The following BMPR1A variants were observed in gnomAD, a reference collection of about 807,000 sequenced individuals.
BMPR1A encodes bone morphogenetic protein receptor type 1A.
A neutral mutation model predicts 66.0 loss-of-function variants in BMPR1A; 7 were observed. The ratio of observed to expected loss-of-function variants is 0.11; its 90% CI spans 0.06 to 0.20. The LOEUF is 0.20. Among genes scored for constraint, BMPR1A ranks in the 10% least tolerant of loss-of-function variants. BMPR1A has a pLI of 1.00. For missense variants in BMPR1A, 408 were observed against 669.1 expected (o/e 0.61, Z 4.31); for synonymous variants, 200 against 229.7 (o/e 0.87, Z 1.17).
At chr10:86,915,674 G>C (rs149795240) in intron 8 of BMPR1A, among the ~76,000 whole-genome samples, 22 of 152,140 alleles carry the variant, frequency 1.4e-4, no homozygotes, top group African/African-American at 4.6e-4. Flanking sequence ...GTTGCAGTGA[G>C]CTGAGATTGG....
chr10:86,929,280 A>G (rs548088970), downstream of BMPR1A: 2 of 152,166 alleles, frequency 1.3e-5, no homozygotes, highest in East Asian at 1.9e-4. Flanking sequence ...AAAGCTTTTC[A>G]TTTTCATTCC....
intron 1 of BMPR1A, among the ~76,000 whole-genome samples, chr10:86,793,097 C>CCA (rs1841654110): frequency 8.9e-6 from 1 of 112,160 alleles, no homozygotes; most frequent in Non-Finnish European, 1.8e-5. Context: ...GATCTATACC[C>CCA]CCCCCCACCC....
chr10:86,801,574 T>C (rs1375751579), intron 1 of BMPR1A, among the ~76,000 whole-genome samples: 1 of 152,156 alleles, frequency 6.6e-6, no homozygotes, highest in Non-Finnish European at 1.5e-5. Flanking sequence ...CAGTAAACAA[T>C]CTCTGGTAGA....
Position 86,927,344 on chromosome 10 carries a change from A to G in BMPR1A, c.*3625A>G, listed in dbSNP as rs1019500418. ...CATTTCAACAGCAGAAATGATTTTT[A>G]TTTTAACAAAAGATTATGATAGCCC... is the stretch of plus-strand genomic sequence containing the variant. On this transcript the variant is annotated 3_prime_UTR_variant, in exon 13 of 13. Transcript: ENST00000372037. 5.2e-6 allele frequency: 1 copy of G among 192,932 alleles called. No individual in the cohort carries two copies. The highest frequency in any genetic ancestry group is 1.1e-5 in the Non-Finnish European group (1 of 92,332). 12.0% of individuals were successfully genotyped at this position (192,932 alleles called of 1,614,324 possible).
At chr10:86,789,745 C>T (rs1246464410) in intron 1 of BMPR1A, among the ~76,000 whole-genome samples, 1 of 150,014 alleles carries the variant, frequency 6.7e-6, no homozygotes, top group Non-Finnish European at 1.5e-5. Flanking sequence ...ACGTAACTAA[C>T]TTAGAAAACC....
intron 9 of BMPR1A, among the ~76,000 whole-genome samples, chr10:86,918,892 C>T (rs11202259): frequency 1.3e-5 from 2 of 152,152 alleles, no homozygotes; most frequent in Non-Finnish European, 2.9e-5. Context: ...CAAAGTGATA[C>T]AGGTGTGAGC....
intron 3 of BMPR1A, among the ~76,000 whole-genome samples, chr10:86,884,260 A>T (rs969280525): frequency 1.3e-5 from 2 of 151,132 alleles, no homozygotes; most frequent in African/African-American, 4.9e-5. Flanking sequence ...AATTTTTTAA[A>T]TTTTTTGTAG....
At chr10:86,771,238 CAAAA>C (rs1296133912) in intron 1 of BMPR1A, among the ~76,000 whole-genome samples, 2 of 152,086 alleles carry the variant, frequency 1.3e-5, no homozygotes, top group South Asian at 2.1e-4. Context: ...AAAAAGCACT[CAAAA>C]AGAAACACTA....
At chr10:86,814,992 G>A (rs543294006) in intron 1 of BMPR1A, among the ~76,000 whole-genome samples, 13 of 152,092 alleles carry the variant, frequency 8.5e-5, no homozygotes, top group Non-Finnish European at 1.8e-4. Flanking sequence ...CACCATATTG[G>A]CCAGGCTTGT....
Position 86,890,058 on chromosome 10 carries a change from G to C in BMPR1A, c.68-4G>C. On this transcript the variant is annotated splice_region_variant and splice_polypyrimidine_tract_variant and intron_variant, in intron 3 of 12. Transcript: ENST00000372037. The stretch of plus-strand genomic sequence containing the variant: ...TTACTTACAAATTCCATATTTGAAT[G>C]CAGGACAGAATCTGGATAGTATGCT... The C allele has an allele frequency of 6.2e-7, 1 of 1,612,532 alleles. No individual in the cohort carries two copies. Among genetic ancestry groups the C allele is most frequent in the Non-Finnish European group, 8.5e-7 (1 of 1,179,914 alleles).
intron 3 of BMPR1A, among the ~76,000 whole-genome samples, chr10:86,888,979 A>G (rs1325627621): frequency 6.6e-6 from 1 of 152,158 alleles, no homozygotes; most frequent in East Asian, 1.9e-4. Context: ...GTAAATGTAA[A>G]ATCAAGTCTG....
intron 1 of BMPR1A, among the ~76,000 whole-genome samples, chr10:86,802,327 C>A (rs2132870542): frequency 6.6e-6 from 1 of 152,178 alleles, no homozygotes; most frequent in East Asian, 1.9e-4. Flanking sequence ...TAATTCTGGC[C>A]TTATATACTG....
In BMPR1A at chr10:86,900,112, C is replaced by T. The variant is rs1391614707; in HGVS notation, c.516C>T (p.Ser172=). Residue 172 remains serine, a synonymous_variant, in exon 7 of 13, where the codon AGC becomes AGT. Coordinates refer to ENST00000372037, the MANE Select transcript of BMPR1A (RefSeq NM_004329.3). ...TAATTGCTATGATCATCTTCTCCAGCTGCTTTTGTTACAAGTAAGAAGATA... is the reference window on the plus strand; with the variant it reads ...TAATTGCTATGATCATCTTCTCCAGTTGCTTTTGTTACAAGTAAGAAGATA... ...VCIIAMIIFS[S]CFCYKHYCKS... 3.7e-6 allele frequency: 6 copies of T among 1,613,564 alleles called. No homozygotes were observed. In the Admixed American group the frequency reaches 5.0e-5, roughly 13 times the overall value.
intron 4 of BMPR1A, among the ~76,000 whole-genome samples, chr10:86,890,923 A>G (rs1371126843): frequency 1.3e-5 from 2 of 152,310 alleles, no homozygotes; most frequent in East Asian, 1.9e-4. Flanking sequence ...ATTCTAGTCC[A>G]TATTTGTTGG....
chr10:86,792,382 T>C (rs887453305), intron 1 of BMPR1A, among the ~76,000 whole-genome samples: 5 of 152,198 alleles, frequency 3.3e-5, no homozygotes, highest in African/African-American at 1.2e-4. Flanking sequence ...AGATCTTTAA[T>C]GTTTGCCATT....
intron 1 of BMPR1A, among the ~76,000 whole-genome samples, chr10:86,802,615 G>T (rs1841827585): frequency 6.6e-6 from 1 of 151,474 alleles, no homozygotes; most frequent in Non-Finnish European, 1.5e-5. Flanking sequence ...AGATCAGCTG[G>T]TGCAAGCTTG....
At chr10:86,909,193 C>T (rs959456059) in intron 7 of BMPR1A, among the ~76,000 whole-genome samples, 5 of 151,984 alleles carry the variant, frequency 3.3e-5, no homozygotes, top group South Asian at 2.1e-4. Context: ...TTTGGGAAGC[C>T]GCAGGGTGTT....
At chr10:86,812,128 A>G (rs1188038504) in intron 1 of BMPR1A, among the ~76,000 whole-genome samples, 1 of 152,126 alleles carries the variant, frequency 6.6e-6, no homozygotes, top group African/African-American at 2.4e-5. Context: ...TAACACATCT[A>G]TAGATATAAC....
intron 5 of BMPR1A, among the ~76,000 whole-genome samples, chr10:86,892,995 A>C (rs1166270446): frequency 1.3e-5 from 2 of 152,150 alleles, no homozygotes; most frequent in East Asian, 3.8e-4. Context: ...TTTCTTTAAA[A>C]ATAAAAATTT....
Sources: allele counts gnomAD v4.1 joint callset (sites outside exome capture counted in the v4.1 genomes callset), GRCh38; gene constraint gnomAD v4.1.1; transcripts MANE v1.5; gene names NCBI Gene and HGNC (gene_info 2026-07-23, HGNC 2026-07-21).